PTPRD: variants seen among roughly 807,000 people sequenced by gnomAD.
PTPRD encodes the protein protein tyrosine phosphatase receptor type D.
PTPRD carries 34 observed loss-of-function variants against 214.5 expected under a neutral mutation model. That is an observed-to-expected ratio of 0.16 (90% CI 0.12 to 0.21). The LOEUF (loss-of-function observed/expected upper bound fraction) is 0.21, where lower values mean the gene tolerates loss of function less well. Ranked by LOEUF, PTPRD falls within the 10% of genes least tolerant of loss-of-function variation. The probability of loss-of-function intolerance (pLI) is 1.00; values close to 1 mark genes in which losing one functional copy is unlikely to be tolerated. For missense variants in PTPRD, 2,545 were observed against 2,398.7 expected, an observed-to-expected ratio of 1.06 and a Z score of -1.27; for synonymous variants, 1,128 against 845.7, an observed-to-expected ratio of 1.33 and a Z score of -5.79.
At chr9:8,342,363 C>G (rs1260855011) in intron 39 of PTPRD, among the ~76,000 whole-genome samples, 2 of 152,048 alleles carry the variant, frequency 1.3e-5, no homozygotes, top group Non-Finnish European at 2.9e-5. Flanking sequence ...TCTGGCTAGG[C>G]TATAGTTCTT....
chr9:9,768,257 G>A (rs890108858), intron 5 of PTPRD, among the ~76,000 whole-genome samples: 1 of 152,146 alleles, frequency 6.6e-6, no homozygotes, highest in African/African-American at 2.4e-5. Flanking sequence ...CATGTACAAT[G>A]AAGCAGTTGT....
At chr9:9,323,638 A>G (rs568814693) in intron 9 of PTPRD, among the ~76,000 whole-genome samples, 1 of 152,254 alleles carries the variant, frequency 6.6e-6, no homozygotes, top group African/African-American at 2.4e-5. Context: ...CACTCATAAT[A>G]GAGACCATGA....
intron 9 of PTPRD, among the ~76,000 whole-genome samples, chr9:9,380,620 A>G (rs1240222985): frequency 6.6e-6 from 1 of 152,180 alleles, no homozygotes; most frequent in Admixed American, 6.6e-5. Context: ...CTATCTTAGT[A>G]AATGTTCCAT....
chr9:9,571,676 A>T (rs1308716202), intron 8 of PTPRD, among the ~76,000 whole-genome samples: 6 of 151,118 alleles, frequency 4.0e-5, no homozygotes, highest in African/African-American at 1.5e-4. Context: ...TTGTGGCCAC[A>T]TAACTAATTG....
At chr9:9,561,252 G>A (rs543162720) in intron 8 of PTPRD, among the ~76,000 whole-genome samples, 1 of 152,230 alleles carries the variant, frequency 6.6e-6, no homozygotes, top group South Asian at 2.1e-4. Context: ...GCACAGCCAT[G>A]TTCCTTACAC....
chr9:10,499,761 A>AAGTTG, intron 2 of PTPRD, among the ~76,000 whole-genome samples: 1 of 151,772 alleles, frequency 6.6e-6, no homozygotes, highest in Non-Finnish European at 1.5e-5. Context: ...GTCCCACATT[A>AAGTTG]AGTTTCTTAT....
intron 3 of PTPRD, among the ~76,000 whole-genome samples, chr9:10,107,481 A>G (rs2098645858): frequency 6.6e-6 from 1 of 151,990 alleles, no homozygotes; most frequent in Non-Finnish European, 1.5e-5. Flanking sequence ...TTATTGATTA[A>G]CTTTGCCACT....
At chr9:9,337,998 C>T (rs936910283) in intron 9 of PTPRD, among the ~76,000 whole-genome samples, 1 of 152,140 alleles carries the variant, frequency 6.6e-6, no homozygotes, top group African/African-American at 2.4e-5. Context: ...GAGGAGATAA[C>T]TTTGATCAAA....
chr9:10,191,495 G>GA (rs1564428242), intron 3 of PTPRD, among the ~76,000 whole-genome samples: 2 of 152,020 alleles, frequency 1.3e-5, no homozygotes, highest in African/African-American at 2.4e-5. Flanking sequence ...CAGGAGAAGG[G>GA]AAAAAATGCC....
chr9:8,756,234 C>T (rs1458991070), intron 11 of PTPRD, among the ~76,000 whole-genome samples: 1 of 152,028 alleles, frequency 6.6e-6, no homozygotes, highest in Non-Finnish European at 1.5e-5. Context: ...CTCTAGTTTC[C>T]CTGGTTGCTC....
chr9:8,597,367 G>A (rs2094530048), intron 14 of PTPRD, among the ~76,000 whole-genome samples: 1 of 151,946 alleles, frequency 6.6e-6, no homozygotes, highest in South Asian at 2.1e-4. Flanking sequence ...TACCAATTAT[G>A]TTTCAGTTCT....
Position 8,500,855 on chromosome 9 carries a change from T to G in PTPRD, c.2027A>C (p.Gln676Pro). ...PSDTTKYLLEQLEKWTEYRIT... is the reference protein window; with the variant it reads ...PSDTTKYLLEPLEKWTEYRIT... ...CCGGTATTCAGTCCATTTTTCCAGC[T>G]GTTCCAAAAGGTATTTGGTAGTGTC... The change falls in exon 24 of 46, where the codon CAG becomes CCG. Residue 676 changes from glutamine (Q) to proline (P), a missense_variant. Transcript: ENST00000381196. 2 of 1,614,198 alleles carry G rather than the reference T, an allele frequency of 1.2e-6. No individual in the cohort carries two copies. Among genetic ancestry groups the G allele is most frequent in the Non-Finnish European group, 1.7e-6 (2 of 1,180,014 alleles).
chr9:9,433,747 T>G (rs1413424253), intron 8 of PTPRD, among the ~76,000 whole-genome samples: 1 of 152,136 alleles, frequency 6.6e-6, no homozygotes, highest in Non-Finnish European at 1.5e-5. Context: ...CGCAAAAGAA[T>G]AGCATGCCAC....
chr9:9,741,375 G>A (rs2098399821), intron 6 of PTPRD, among the ~76,000 whole-genome samples: 1 of 151,048 alleles, frequency 6.6e-6, no homozygotes, highest in Non-Finnish European at 1.5e-5. Context: ...TTTACAAGGA[G>A]TAGTATGTTT....
intron 2 of PTPRD, among the ~76,000 whole-genome samples, chr9:10,599,101 G>C (rs1037478305): frequency 2.0e-5 from 3 of 151,540 alleles, no homozygotes; most frequent in Admixed American, 6.6e-5. Flanking sequence ...CGGCGAAATT[G>C]GACCTATTTT....
chr9:10,509,719 T>A (rs1274885745), intron 2 of PTPRD, among the ~76,000 whole-genome samples: 1 of 151,344 alleles, frequency 6.6e-6, no homozygotes, highest in African/African-American at 2.4e-5. Context: ...GGTTCCATGA[T>A]ACAGAGGACA....
At chr9:9,626,912 A>G (rs1486663691) in intron 7 of PTPRD, among the ~76,000 whole-genome samples, 1 of 152,246 alleles carries the variant, frequency 6.6e-6, no homozygotes, top group Admixed American at 6.5e-5. Context: ...AAGCAAGTTG[A>G]AGGATACAAA....
intron 2 of PTPRD, among the ~76,000 whole-genome samples, chr9:10,364,127 G>A (rs916132742): frequency 6.6e-6 from 1 of 150,830 alleles, no homozygotes; most frequent in Admixed American, 6.6e-5. Flanking sequence ...AGCCTCCGGA[G>A]TAGCTGGGAC....
chr9:10,073,557 A>G (rs1439470052), intron 3 of PTPRD, among the ~76,000 whole-genome samples: 5 of 152,136 alleles, frequency 3.3e-5, no homozygotes, highest in Non-Finnish European at 7.4e-5. Flanking sequence ...AGAGAAAGAA[A>G]TATTTGATTT....
Sources: allele counts gnomAD v4.1 joint callset (sites outside exome capture counted in the v4.1 genomes callset), GRCh38; gene constraint gnomAD v4.1.1; transcripts MANE v1.5; gene names NCBI Gene and HGNC (gene_info 2026-07-23, HGNC 2026-07-21).